PDE1C: variants seen among roughly 807,000 people sequenced by gnomAD.
PDE1C encodes dual specificity calcium/calmodulin-dependent 3',5'-cyclic nucleotide phosphodiesterase 1C.
A neutral mutation model predicts 93.1 loss-of-function variants in PDE1C; 62 were observed. That is an observed-to-expected ratio of 0.67 (90% CI 0.54 to 0.82). PDE1C has a LOEUF of 0.82. Ranked by LOEUF, PDE1C falls within the 40% of genes least tolerant of loss-of-function variation. The probability of loss-of-function intolerance (pLI) is 0.00; values close to 1 mark genes in which losing one functional copy is unlikely to be tolerated. For synonymous variants in PDE1C, 325 were observed against 310.1 expected, an observed-to-expected ratio of 1.05 and a Z score of -0.50; for missense variants, 742 against 884.6, an observed-to-expected ratio of 0.84 and a Z score of 2.04.
Position 31,873,282 on chromosome 7 carries a change from A to G in PDE1C, c.609+10T>C. 6.7e-7 allele frequency: 1 copy of G among 1,496,610 alleles called. No homozygotes were observed. The highest frequency in any genetic ancestry group is 1.8e-5 in the Admixed American group (1 of 56,230). The allele number at this position is 1,496,610 out of a possible 1,614,324, so 92.7% of individuals were successfully genotyped here. ...GTTTATTTATTTTTTCTTTTTAAAGAGGTACTGACCTTGAAACGGCTGATC... is the reference window on the plus strand; with the variant it reads ...GTTTATTTATTTTTTCTTTTTAAAGGGGTACTGACCTTGAAACGGCTGATC... On this transcript the variant is annotated intron_variant, in intron 6 of 17. Coordinates refer to ENST00000396191, the MANE Select transcript of PDE1C (RefSeq NM_001191057.4).
the PDE1C span, among the ~76,000 whole-genome samples, chr7:31,718,392 GAAGAC>G: frequency 2.0e-5 from 3 of 152,158 alleles, no homozygotes; most frequent in Admixed American, 2.0e-4. Flanking sequence ...TCACAGGTCT[GAAGAC>G]AAGAATGGAA....
At chr7:32,362,861 C>T (rs1784160471) in intron 1 of PDE1C, among the ~76,000 whole-genome samples, 1 of 152,226 alleles carries the variant, frequency 6.6e-6, no homozygotes, top group African/African-American at 2.4e-5. Flanking sequence ...AAAGCAACTA[C>T]AGTGTGGCTG....
At chr7:32,389,509 G>A (rs114696925) in intron 1 of PDE1C, among the ~76,000 whole-genome samples, 5,869 of 152,184 alleles carry the variant, frequency 0.039, 289 homozygotes, top group African/African-American at 0.11. Context: ...GAGCCACCAC[G>A]CCCAGCCTGA....
the PDE1C span, chr7:31,642,194 C>A: frequency 1.3e-6 from 2 of 1,560,926 alleles, no homozygotes; most frequent in South Asian, 1.2e-5. Context: ...GTGGACAGAG[C>A]AAATAGCTGC....
rs78648483 is a variant in PDE1C at position 32,281,369 on chromosome 7, G to A, written c.85+17282C>T. ...AATTATTTGCAACAAATATCACAAA[G>A]GCTGAATAGCCTTAATTTTTATTTT... On this transcript the variant is annotated intron_variant, in intron 1 of 18. Coordinates refer to the PDE1C transcript ENST00000396193. Among the ~76,000 whole-genome samples the A allele has an allele frequency of 7.6e-3, 1,155 of 152,134 alleles. 14 individuals carry two copies. Among genetic ancestry groups the A allele is most frequent in the Middle Eastern group, 0.024 (7 of 294 alleles).
chr7:32,413,940 C>T (rs1583429582), intron 1 of PDE1C, among the ~76,000 whole-genome samples: 1 of 151,964 alleles, frequency 6.6e-6, no homozygotes, highest in Non-Finnish European at 1.5e-5. Flanking sequence ...GGACTGGGTG[C>T]GTTGGTTCAT....
chr7:32,056,320 TTCTCTCTCTCTCTCTCTCTCTC>T (rs10648394), intron 1 of PDE1C, among the ~76,000 whole-genome samples: 2 of 111,028 alleles, frequency 1.8e-5, no homozygotes, highest in Non-Finnish European at 3.5e-5. Flanking sequence ...GGGTCCACCG[TTCTCTCTCTCTCTCTCTCTCTC>T]TCTCTCTCTC....
intron 3 of PDE1C, among the ~76,000 whole-genome samples, chr7:32,084,192 G>T (rs949507840): frequency 1.3e-5 from 2 of 151,942 alleles, no homozygotes; most frequent in Admixed American, 1.3e-4. Context: ...AAAAGGCAGG[G>T]GTTGCAATCC....
chr7:31,738,942 G>A, the PDE1C span, among the ~76,000 whole-genome samples: 48 of 152,118 alleles, frequency 3.2e-4, 1 homozygote, highest in South Asian at 8.9e-3. Flanking sequence ...TGCTCAGGAC[G>A]GGTTTGTTCT....
chr7:31,753,294 G>C lies in PDE1C; in HGVS notation c.*90C>G. 2 of 1,483,668 alleles carry C rather than the reference G, an allele frequency of 1.3e-6. No homozygotes were observed. Among genetic ancestry groups the C allele is most frequent in the Non-Finnish European group, 1.8e-6 (2 of 1,107,564 alleles). 91.9% of individuals were successfully genotyped at this position (1,483,668 alleles called of 1,614,324 possible). A position where few individuals can be genotyped will look rare whatever the true frequency, so the allele number is the denominator to read the frequency against. ...TAGTACCTGCTCCAACAGCCTCCAA[G>C]GGTCTTGGAGGTGTGTCCTGCTGTG... On this transcript the variant is annotated 3_prime_UTR_variant, in exon 18 of 18. Coordinates refer to ENST00000396191, the MANE Select transcript of PDE1C (RefSeq NM_001191057.4).
rs577169635 is a variant in PDE1C, at chr7:32,143,032, CG to C, written c.308+26752del. On this transcript the variant is annotated intron_variant, in intron 3 of 18. Coordinates refer to the PDE1C transcript ENST00000396193. The stretch of plus-strand genomic sequence containing the variant: ...ATGACAGCTTTTGGTCTTGCAGAGT[CG>C]GGAACTGAATATTGTAGGTGGAGAG... Among the ~76,000 whole-genome samples the C allele has an allele frequency of 9.0e-4, 136 of 151,650 alleles. 1 individual carries two copies. The highest frequency in any genetic ancestry group is 3.0e-3 in the African/African-American group (122 of 41,288).
the PDE1C span, among the ~76,000 whole-genome samples, chr7:31,703,968 C>T: frequency 1.1e-3 from 162 of 152,270 alleles, 3 homozygotes; most frequent in East Asian, 0.028. Flanking sequence ...GACTGCATGG[C>T]AGAAAGCATT....
chr7:32,399,581 C>CTTTTTT (rs34748013), intron 1 of PDE1C, among the ~76,000 whole-genome samples: 2,300 of 117,396 alleles, frequency 0.02, 95 homozygotes, highest in African/African-American at 0.072. Context: ...CTTCATTTAA[C>CTTTTTT]TTTTTTTTTT....
chr7:31,720,612 G>A, the PDE1C span, among the ~76,000 whole-genome samples: 4 of 152,134 alleles, frequency 2.6e-5, no homozygotes, highest in Admixed American at 2.6e-4. Flanking sequence ...GTCTCCCATA[G>A]AGCAATGCAA....
intron 7 of PDE1C, among the ~76,000 whole-genome samples, chr7:31,853,287 G>A (rs1208551083): frequency 2.0e-5 from 3 of 152,048 alleles, no homozygotes; most frequent in African/African-American, 2.4e-5. Context: ...TTCAACAAAC[G>A]CCATGCATGC....
At chr7:31,617,146 T>G in the PDE1C span, among the ~76,000 whole-genome samples, 3 of 152,230 alleles carry the variant, frequency 2.0e-5, no homozygotes, top group Non-Finnish European at 4.4e-5. Flanking sequence ...GTTCAGTTTT[T>G]GAAGCATTTG....
chr7:32,421,312 C>T (rs563644411), intron 1 of PDE1C, among the ~76,000 whole-genome samples: 32 of 152,316 alleles, frequency 2.1e-4, no homozygotes, highest in Admixed American at 2.0e-4. Context: ...TCTTCCCTGC[C>T]TTCCTCACTC....
intron 2 of PDE1C, among the ~76,000 whole-genome samples, chr7:32,207,390 C>T (rs1179265528): frequency 6.6e-6 from 1 of 152,036 alleles, no homozygotes; most frequent in Admixed American, 6.6e-5. Context: ...TCCGAATCCT[C>T]CCAATCTTCC....
Position 31,800,281 on chromosome 7 carries a change from T to G in PDE1C, c.1891+8750A>C, listed in dbSNP as rs1419035629. ...ATTTATCAATTTGTTTTTTATGGTT[T>G]GTACTTTTGTGGTCATGCCTAATAA... On this transcript the variant is annotated intron_variant, in intron 16 of 17. Coordinates refer to ENST00000396191, the MANE Select transcript of PDE1C (RefSeq NM_001191057.4). Among the ~76,000 whole-genome samples the G allele has an allele frequency of 4.0e-5, 6 of 151,724 alleles. No individual in the cohort carries two copies. In the East Asian group the frequency reaches 1.2e-3, roughly 29 times the overall value.
Sources: gnomAD v4.1 joint callset for allele counts (sites outside exome capture counted in the v4.1 genomes callset) on GRCh38, gnomAD v4.1.1 for gene constraint, MANE v1.5 for transcripts, NCBI Gene and HGNC (gene_info 2026-07-23, HGNC 2026-07-21) for gene names.